The following ATRN variants were observed in gnomAD, a reference collection of about 807,000 sequenced individuals.
ATRN encodes the protein attractin.
Under a neutral mutation model 178.7 loss-of-function variants are expected in ATRN, and 54 were observed. The ratio of observed to expected loss-of-function variants is 0.30; its 90% confidence interval spans 0.24 to 0.38. ATRN has a LOEUF of 0.38. Among genes scored for constraint, ATRN ranks in the 10% least tolerant of loss-of-function variants. The pLI, the probability that ATRN is intolerant of heterozygous loss-of-function variation, is 1.00. For missense variants in ATRN, 1,443 were observed against 1,815.1 expected (o/e 0.79, Z 3.73); for synonymous variants, 636 against 663.0 (o/e 0.96, Z 0.63).
chr20:3,595,090 G>A (rs368598351), intron 20 of ATRN, among the ~76,000 whole-genome samples: 1 of 152,232 alleles, frequency 6.6e-6, no homozygotes, highest in African/African-American at 2.4e-5. Context: ...GGATGCAGGT[G>A]CAGCAGCATC....
chr20:3,565,703 CAGG>C (rs1474938337), intron 11 of ATRN, among the ~76,000 whole-genome samples: 2 of 147,342 alleles, frequency 1.4e-5, no homozygotes, highest in African/African-American at 5.1e-5. Flanking sequence ...GATGCTGAGG[CAGG>C]AGAATCACTT....
chr20:3,602,963 C>CAAAAAAAAAAAAA (rs3842439), intron 23 of ATRN, among the ~76,000 whole-genome samples: 2 of 40,876 alleles, frequency 4.9e-5, no homozygotes, highest in African/African-American at 1.1e-4. Flanking sequence ...AATTCCATCT[C>CAAAAAAAAAAAAA]AAAAAAAAAA....
intron 18 of ATRN, among the ~76,000 whole-genome samples, chr20:3,590,053 G>A (rs377311808): frequency 1.3e-5 from 2 of 152,112 alleles, no homozygotes; most frequent in East Asian, 1.9e-4. Flanking sequence ...GGGTTCAAGC[G>A]GTTCTCCTGC....
Position 3,648,786 on chromosome 20 carries a change from G to A in ATRN, c.*1939G>A, listed in dbSNP as rs775544990. The A allele has an allele frequency of 2.0e-5, 3 of 152,178 alleles. No individual in the cohort carries two copies. The highest frequency in any genetic ancestry group is 4.4e-5 in the Non-Finnish European group (3 of 68,044). 9.4% of individuals were successfully genotyped at this position (152,178 alleles called of 1,614,324 possible). A position where few individuals can be genotyped will look rare whatever the true frequency, so the allele number is the denominator to read the frequency against. On this transcript the variant is annotated 3_prime_UTR_variant, in exon 29 of 29. Transcript: ENST00000262919. ...CATGAGCTCCCCCATCCCTGCTACA[G>A]AACACAGCACCCATGGCGCCTGCAG...
At chr20:3,537,960 T>A (rs559490228) in intron 2 of ATRN, among the ~76,000 whole-genome samples, 188 of 151,136 alleles carry the variant, frequency 1.2e-3, no homozygotes, top group Non-Finnish European at 1.9e-3. Flanking sequence ...TTTTATTTTT[T>A]AATTTTTTTA....
At chr20:3,588,278 G>A (rs1331012188) in intron 18 of ATRN, among the ~76,000 whole-genome samples, 2 of 152,002 alleles carry the variant, frequency 1.3e-5, no homozygotes, top group South Asian at 2.1e-4. Flanking sequence ...TTTTTTTAGG[G>A]GAAAATAATT....
chr20:3,503,702 A>G (rs1170590828), intron 1 of ATRN, among the ~76,000 whole-genome samples: 1 of 152,270 alleles, frequency 6.6e-6, no homozygotes, highest in Non-Finnish European at 1.5e-5. Flanking sequence ...AAACTGCAAA[A>G]AAAATGACTT....
At chr20:3,594,185 A>C (rs1006757188) in intron 19 of ATRN, among the ~76,000 whole-genome samples, 6 of 152,214 alleles carry the variant, frequency 3.9e-5, no homozygotes, top group Non-Finnish European at 8.8e-5. Context: ...GAATCAAAGA[A>C]TCATAGCAGT....
At chr20:3,491,196 A>G (rs2084788856) in intron 1 of ATRN, among the ~76,000 whole-genome samples, 1 of 152,118 alleles carries the variant, frequency 6.6e-6, no homozygotes, top group Admixed American at 6.6e-5. Context: ...GTCTTCTCCA[A>G]ATGTGGCCTC....
intron 18 of ATRN, among the ~76,000 whole-genome samples, chr20:3,590,074 C>T (rs2146269918): frequency 6.6e-6 from 1 of 152,254 alleles, no homozygotes; most frequent in South Asian, 2.1e-4. Context: ...CTCAGCCTCC[C>T]AAGTAGCTGG....
Position 3,535,350 on chromosome 20 carries a change from GCTGA to G in ATRN, c.494+17_494+20del. 1 of 1,472,090 alleles carries G rather than the reference GCTGA, an allele frequency of 6.8e-7. No individual in the cohort carries two copies. The highest frequency in any genetic ancestry group is 1.4e-5 in the South Asian group (1 of 71,180). The allele number at this position is 1,472,090 out of a possible 1,614,324, so 91.2% of individuals were successfully genotyped here. Reference sequence around the variant, plus strand: ...CATTGAAGGACAGTAAGTAGAAATGGCTGACTTAATTTTTGTTTTTTTAGCATAG... The same window carrying G: ...CATTGAAGGACAGTAAGTAGAAATGGCTTAATTTTTGTTTTTTTAGCATAG... On this transcript the variant is annotated intron_variant, in intron 2 of 28. Transcript: ENST00000262919.
intron 1 of ATRN, among the ~76,000 whole-genome samples, chr20:3,513,235 G>C (rs990874033): frequency 2.6e-4 from 39 of 152,120 alleles, no homozygotes; most frequent in African/African-American, 8.5e-4. Context: ...GGTTTTTATG[G>C]TTTTAGGTCT....
intron 22 of ATRN, 46 bp downstream of exon 22, chr20:3,598,046 A>C: frequency 7.7e-7 from 1 of 1,299,630 alleles, no homozygotes; most frequent in South Asian, 1.2e-5. Flanking sequence ...ATTTGTATGG[A>C]TCTTTTTCTT....
At chr20:3,601,887 G>T (rs555076357) in intron 23 of ATRN, among the ~76,000 whole-genome samples, 1 of 140,326 alleles carries the variant, frequency 7.1e-6, no homozygotes, top group Non-Finnish European at 1.6e-5. Flanking sequence ...AAAAAAAAAA[G>T]AAAAAAGGAT....
chr20:3,515,651 ATT>A (rs1488350052), intron 1 of ATRN, among the ~76,000 whole-genome samples: 2 of 152,212 alleles, frequency 1.3e-5, no homozygotes, highest in African/African-American at 4.8e-5. Context: ...TTTCAACAAG[ATT>A]TTTTATATAA....
Position 3,597,934 on chromosome 20 carries a change from C to G in ATRN, c.3498C>G (p.Thr1166=). 3 of 1,609,844 alleles carry G rather than the reference C, an allele frequency of 1.9e-6. No homozygotes were observed. Among genetic ancestry groups the G allele is most frequent in the Non-Finnish European group, 2.5e-6 (3 of 1,176,548 alleles). The change falls in exon 22 of 29, where the codon ACC becomes ACG. Residue 1166 remains threonine (T), a synonymous_variant. Transcript: ENST00000262919. ...YYTLLIDYQF[T]FSLSQEDDRY... ...CTCTTCTTATTGACTATCAGTTCAC[C>G]TTTAGTCTATCCCAGGAAGATGATC...
At chr20:3,592,474 G>A (rs1397304472) in intron 19 of ATRN, 6 of 983,480 alleles carry the variant, frequency 6.1e-6, no homozygotes, top group African/African-American at 1.8e-5. Flanking sequence ...GCAAGCAATA[G>A]GACATTTTAT....
chr20:3,491,071 TG>T, intron 1 of ATRN: 1 of 788,958 alleles, frequency 1.3e-6, no homozygotes, highest in Admixed American at 2.1e-5. Context: ...TTAAAGGAAA[TG>T]CAGTGGACTT....
Position 3,563,310 on chromosome 20 carries a change from C to A in ATRN, c.1733C>A (p.Ser578Tyr). ...VFGGNTHNDT[S>Y]MSHGAKCFSS... ...GGAGGAAACACACACAATGACACATCTATGAGCCATGGCGCCAAATGCTTC... is the reference window on the plus strand; with the variant it reads ...GGAGGAAACACACACAATGACACATATATGAGCCATGGCGCCAAATGCTTC... Residue 578 changes from serine to tyrosine, a missense_variant, in exon 10 of 29, where the codon TCT (serine) becomes TAT (tyrosine). Physicochemically the swap from Ser to Tyr is moderately radical, Grantham distance 144. Around this residue, in one of 4 missense-constraint regions of ATRN, gnomAD observed 862 missense variants for 972.1 expected, o/e 0.89. Coordinates refer to ENST00000262919, the MANE Select transcript of ATRN (RefSeq NM_139321.3). 2 of 1,614,132 alleles carry A rather than the reference C, an allele frequency of 1.2e-6. No individual in the cohort carries two copies. The highest frequency in any genetic ancestry group is 1.7e-6 in the Non-Finnish European group (2 of 1,180,000).
Sources: allele counts gnomAD v4.1 joint callset (sites outside exome capture counted in the v4.1 genomes callset), GRCh38; gene constraint gnomAD v4.1.1; regional missense constraint gnomAD v4.1.1; transcripts MANE v1.5; gene names NCBI Gene and HGNC (gene_info 2026-07-23, HGNC 2026-07-21).